Variants in RREB1 observed in about 807,000 individuals in gnomAD.
The protein encoded by RREB1 is ras responsive element binding protein 1.
A neutral mutation model predicts 117.8 loss-of-function variants in RREB1; 27 were observed. The observed-to-expected ratio is 0.23, with a 90% CI of 0.17 to 0.32. The LOEUF (loss-of-function observed/expected upper bound fraction) is 0.32. Ranked by LOEUF, RREB1 falls within the 10% of genes least tolerant of loss-of-function variation. The pLI is 1.00. For synonymous variants in RREB1, 1,298 were observed against 1,026.7 expected (o/e 1.26, Z -5.05); for missense variants, 2,577 against 2,378.2 (o/e 1.08, Z -1.74).
At chr6:7,187,994 A>G (rs1165187835) in intron 5 of RREB1, among the ~76,000 whole-genome samples, 2 of 151,920 alleles carry the variant, frequency 1.3e-5, no homozygotes, top group Non-Finnish European at 2.9e-5. Flanking sequence ...AGCCTGGCCA[A>G]CCCATCTCTA....
intron 10 of RREB1, among the ~76,000 whole-genome samples, chr6:7,237,722 G>A (rs1270263200): frequency 1.3e-5 from 2 of 152,262 alleles, no homozygotes; most frequent in Middle Eastern, 3.4e-3. Context: ...TGAAACCTGC[G>A]TTATTATAAA....
At chr6:7,167,854 TGTAAG>T (rs1764025724) in intron 1 of RREB1, among the ~76,000 whole-genome samples, 1 of 152,132 alleles carries the variant, frequency 6.6e-6, no homozygotes. Context: ...GAACCTATAT[TGTAAG>T]GTAAGGAGGG....
At chr6:7,171,734 GA>G (rs1764220581) in intron 1 of RREB1, among the ~76,000 whole-genome samples, 1 of 152,146 alleles carries the variant, frequency 6.6e-6, no homozygotes, top group Admixed American at 6.5e-5. Context: ...GTGTGTCCTG[GA>G]ATTTGGAACC....
chr6:7,154,790 A>T (rs1032931360), intron 1 of RREB1, among the ~76,000 whole-genome samples: 2 of 152,128 alleles, frequency 1.3e-5, no homozygotes, highest in Non-Finnish European at 2.9e-5. Flanking sequence ...GTGGTTACCC[A>T]CCGGGCCTTA....
In RREB1 at chr6:7,211,701, C is replaced by T; in HGVS notation, c.699C>T (p.Asn233=). The change falls in exon 8 of 13, where the codon AAC becomes AAT. Residue 233 remains asparagine, a synonymous_variant. Coordinates refer to ENST00000379938, the MANE Select transcript of RREB1 (RefSeq NM_001003699.4). ...CCCACATGGAGACCCATTCAGATAA[C>T]CCACTAAGGTAGGAGAAAGAGTGAA... The part of the protein sequence containing the change: ...LETHMETHSD[N]PLRCDICCVT... 1 of 1,614,056 alleles carries T rather than the reference C, an allele frequency of 6.2e-7. No homozygotes were observed. Among genetic ancestry groups the T allele is most frequent in the Non-Finnish European group, 8.5e-7 (1 of 1,179,922 alleles).
Position 7,188,252 on chromosome 6 carries a change from T to TGTGTGTGTGTGTGTGC in RREB1, c.261+730_261+731insTGTGTGTGTGTGTGCG, listed in dbSNP as rs1411771705. ...GTGTGTGTGTGTGTGTGTGTGTGTG[T>TGTGTGTGTGTGTGTGC]GCGCGCGCGCACGTGTGTGACGGAG... On this transcript the variant is annotated intron_variant, in intron 5 of 12. Transcript: ENST00000379938. 3.0e-3 allele frequency among the ~76,000 whole-genome samples: 440 copies of TGTGTGTGTGTGTGTGC among 147,640 alleles called. 2 individuals are homozygous for TGTGTGTGTGTGTGTGC. The highest frequency in any genetic ancestry group is 0.011 in the African/African-American group (424 of 40,040).
intron 6 of RREB1, among the ~76,000 whole-genome samples, chr6:7,196,995 A>T (rs1044715107): frequency 6.6e-6 from 1 of 152,144 alleles, no homozygotes; most frequent in African/African-American, 2.4e-5. Flanking sequence ...GAAAATTTGG[A>T]TTGAGTGGTG....
intron 1 of RREB1, among the ~76,000 whole-genome samples, chr6:7,120,989 A>G (rs1254003696): frequency 6.6e-6 from 1 of 150,602 alleles, no homozygotes; most frequent in Non-Finnish European, 1.5e-5. Flanking sequence ...ACGCCTGGCT[A>G]ATTTTTGTAT....
chr6:7,146,296 A>G (rs1169250710), intron 1 of RREB1, among the ~76,000 whole-genome samples: 1 of 151,934 alleles, frequency 6.6e-6, no homozygotes, highest in African/African-American at 2.4e-5. Flanking sequence ...CATAGGCCCC[A>G]TTCAGCAGCA....
chr6:7,118,859 G>A (rs957935212), intron 1 of RREB1, among the ~76,000 whole-genome samples: 2 of 129,622 alleles, frequency 1.5e-5, no homozygotes, highest in African/African-American at 2.9e-5. Flanking sequence ...ATGTTAGCCA[G>A]GCTGGTCTCA....
At chr6:7,127,425 G>A (rs2113340662) in intron 1 of RREB1, among the ~76,000 whole-genome samples, 1 of 152,174 alleles carries the variant, frequency 6.6e-6, no homozygotes, top group Admixed American at 6.5e-5. Flanking sequence ...CTGAAGCCTT[G>A]TTAAATGATA....
chr6:7,119,432 TTG>T (rs1314882106), intron 1 of RREB1, among the ~76,000 whole-genome samples: 4 of 152,030 alleles, frequency 2.6e-5, no homozygotes, highest in African/African-American at 9.7e-5. Flanking sequence ...TGTGTGGCCT[TTG>T]TGTGTGGGGG....
chr6:7,165,888 A>G (rs1763905383), intron 1 of RREB1, among the ~76,000 whole-genome samples: 1 of 152,092 alleles, frequency 6.6e-6, no homozygotes, highest in South Asian at 2.1e-4. Context: ...GGGGGCTTGC[A>G]AAGGGGTTAT....
At chr6:7,163,448 A>G (rs1581474231) in intron 1 of RREB1, among the ~76,000 whole-genome samples, 1 of 151,890 alleles carries the variant, frequency 6.6e-6, no homozygotes, top group Admixed American at 6.6e-5. Context: ...CTGGAGTGCA[A>G]TGGTGCTATC....
intron 1 of RREB1, among the ~76,000 whole-genome samples, chr6:7,122,310 T>C (rs914158185): frequency 6.6e-6 from 1 of 152,230 alleles, no homozygotes; most frequent in Non-Finnish European, 1.5e-5. Flanking sequence ...GTGTCACCCA[T>C]ACTGGAGTCC....
intron 1 of RREB1, among the ~76,000 whole-genome samples, chr6:7,159,607 A>G (rs746184330): frequency 6.6e-6 from 1 of 152,098 alleles, no homozygotes; most frequent in Non-Finnish European, 1.5e-5. Flanking sequence ...CGCTGATGAG[A>G]TGGTTTATCT....
At chr6:7,183,652 A>G (rs1323051570) in intron 4 of RREB1, 1 of 151,852 alleles carries the variant, frequency 6.6e-6, no homozygotes, top group Non-Finnish European at 1.5e-5. Flanking sequence ...TGAGGAGGCA[A>G]CTGTGCAGGT....
chr6:7,111,742 G>A (rs568934742), intron 1 of RREB1, among the ~76,000 whole-genome samples: 69 of 152,270 alleles, frequency 4.5e-4, no homozygotes, highest in Non-Finnish European at 1.5e-5. Flanking sequence ...TCTATGACCA[G>A]CCTTGTGGTG....
At chr6:7,155,410 G>T (rs994286351) in intron 1 of RREB1, among the ~76,000 whole-genome samples, 10 of 152,172 alleles carry the variant, frequency 6.6e-5, no homozygotes, top group Non-Finnish European at 1.2e-4. Flanking sequence ...GGGTTTAAGC[G>T]ATTCTCCTGC....
Sources: gnomAD v4.1 joint callset for allele counts (sites outside exome capture counted in the v4.1 genomes callset) on GRCh38, gnomAD v4.1.1 for gene constraint, MANE v1.5 for transcripts, NCBI Gene and HGNC (gene_info 2026-07-23, HGNC 2026-07-21) for gene names.